TTC39C: variants seen among roughly 807,000 people sequenced by gnomAD.
TTC39C encodes tetratricopeptide repeat protein 39C.
In TTC39C, 33 loss-of-function variants were observed where a neutral mutation model predicts 76.3. The observed-to-expected ratio is 0.43, with a 90% CI of 0.33 to 0.58. TTC39C has a LOEUF of 0.58. TTC39C is among the 20% of genes least tolerant of loss of function. TTC39C has a pLI of 0.04. For missense variants in TTC39C, 595 were observed against 701.4 expected, an observed-to-expected ratio of 0.85 and a Z score of 1.71; for synonymous variants, 254 against 260.6, an observed-to-expected ratio of 0.97 and a Z score of 0.24.
At position 24,021,902 on chromosome 18, in the gene TTC39C, T is replaced by A. The variant is rs1189103666; in HGVS notation, c.167+6864T>A. On this transcript the variant is annotated intron_variant, in intron 1 of 13. Transcript: ENST00000317571. Reference sequence around the variant, plus strand: ...GTCTGTGTTCACAGAGTTTCTGCCATGAACAGGACAAAGGTGAGAGGCAGG... The same window carrying A: ...GTCTGTGTTCACAGAGTTTCTGCCAAGAACAGGACAAAGGTGAGAGGCAGG... Among the ~76,000 whole-genome samples, 5 of 152,334 alleles carry A rather than the reference T, an allele frequency of 3.3e-5. No individual in the cohort carries two copies. In the South Asian group the frequency reaches 1.0e-3, roughly 32 times the overall value.
chr18:24,098,508 C>T lies in TTC39C; in HGVS notation c.984+15427C>T, dbSNP rs1262550306. 7.0e-4 allele frequency among the ~76,000 whole-genome samples: 47 copies of T among 67,518 alleles called. 2 individuals carry two copies. In the South Asian group the frequency reaches 0.042, roughly 60 times the overall value. The allele number at this position is 67,518 out of a possible 152,430, so 44.3% of individuals were successfully genotyped here. On this transcript the variant is annotated intron_variant, in intron 6 of 13. Coordinates refer to ENST00000317571, the MANE Select transcript of TTC39C (RefSeq NM_001135993.2). The stretch of plus-strand genomic sequence containing the variant: ...TCCCTCTCCTCTCCTATCCTCTCCT[C>T]TCCCCTCCCCTCCCGTCCCCTCCCC...
intron 4 of TTC39C, among the ~76,000 whole-genome samples, chr18:24,070,558 T>C (rs12457000): frequency 0.017 from 2,630 of 152,196 alleles, 60 homozygotes; most frequent in East Asian, 0.12. Context: ...ATTAAGAAAA[T>C]ATCTGGCCAG....
intron 6 of TTC39C, chr18:24,113,659 A>G: frequency 1.4e-6 from 1 of 702,382 alleles, no homozygotes; most frequent in Non-Finnish European, 2.6e-6. Flanking sequence ...AGATTTATTT[A>G]TTAATGGTAT....
At chr18:24,051,290 G>A (rs2083945820) in intron 1 of TTC39C, among the ~76,000 whole-genome samples, 1 of 152,198 alleles carries the variant, frequency 6.6e-6, no homozygotes, top group South Asian at 2.1e-4. Context: ...GCACCAGCCA[G>A]CGTATTACGA....
rs1448914260 is a variant in TTC39C, at chr18:24,132,987, T to C, written c.*413T>C. 6.5e-6 allele frequency: 1 copy of C among 155,018 alleles called. No individual in the cohort carries two copies. Among genetic ancestry groups the C allele is most frequent in the African/African-American group, 2.4e-5 (1 of 41,564 alleles). The allele number at this position is 155,018 out of a possible 1,614,324, so 9.6% of individuals were successfully genotyped here. On this transcript the variant is annotated 3_prime_UTR_variant, in exon 14 of 14. Transcript: ENST00000317571. Reference sequence around the variant, plus strand: ...TAACAATATCATGACATAGCATTTATATTTGTGTTTTGAAAAAATAAAAGT... The same window carrying C: ...TAACAATATCATGACATAGCATTTACATTTGTGTTTTGAAAAAATAAAAGT...
At chr18:24,059,076 A>G (rs1238083659) in intron 1 of TTC39C, among the ~76,000 whole-genome samples, 1 of 152,096 alleles carries the variant, frequency 6.6e-6, no homozygotes, top group African/African-American at 2.4e-5. Flanking sequence ...GCTTTTTCCA[A>G]TCTCTTATGA....
At chr18:24,063,213 G>A (rs914816165) in intron 1 of TTC39C, among the ~76,000 whole-genome samples, 1 of 152,044 alleles carries the variant, frequency 6.6e-6, no homozygotes, top group Non-Finnish European at 1.5e-5. Context: ...CTTTAAATTG[G>A]TATTGATTTG....
At chr18:24,014,580 G>T, upstream of TTC39C, 1 of 258,458 alleles carries the variant, frequency 3.9e-6, no homozygotes. Context: ...ATTCCGCTTC[G>T]GGGCCCGCGC....
chr18:24,070,837 A>AAAAAG (rs775212066), intron 4 of TTC39C, among the ~76,000 whole-genome samples: 12 of 152,040 alleles, frequency 7.9e-5, no homozygotes, highest in Admixed American at 1.3e-4. Flanking sequence ...AGTGAGACTT[A>AAAAAG]AAAAGAAAAG....
chr18:24,013,556 T>C (rs1174554525), upstream of TTC39C, among the ~76,000 whole-genome samples: 1 of 152,244 alleles, frequency 6.6e-6, no homozygotes, highest in African/African-American at 2.4e-5. Flanking sequence ...ACCTGAGGAT[T>C]GCTTTCATTT....
intron 1 of TTC39C, among the ~76,000 whole-genome samples, chr18:23,999,491 T>C (rs879645988): frequency 4.6e-5 from 7 of 152,112 alleles, no homozygotes; most frequent in Non-Finnish European, 7.4e-5. Context: ...GATTCAACTC[T>C]CCCCCATTTT....
intron 10 of TTC39C, among the ~76,000 whole-genome samples, chr18:24,126,706 G>A (rs1427222989): frequency 6.6e-6 from 1 of 151,034 alleles, no homozygotes; most frequent in African/African-American, 2.4e-5. Context: ...TGGGTGCACT[G>A]ATGTGTTCAT....
intron 1 of TTC39C, among the ~76,000 whole-genome samples, chr18:24,018,677 G>C (rs2083484321): frequency 6.6e-6 from 1 of 152,012 alleles, no homozygotes. Context: ...GGGTAGAAGA[G>C]AATCAGTTGA....
intron 1 of TTC39C, among the ~76,000 whole-genome samples, chr18:23,999,862 T>C (rs1255001425): frequency 6.6e-6 from 1 of 152,260 alleles, no homozygotes; most frequent in African/African-American, 2.4e-5. Context: ...GATTCTAATG[T>C]TGTATCGGAG....
At chr18:24,027,000 T>C (rs1351733912) in intron 1 of TTC39C, among the ~76,000 whole-genome samples, 1 of 152,146 alleles carries the variant, frequency 6.6e-6, no homozygotes, top group Non-Finnish European at 1.5e-5. Flanking sequence ...GGAGAAACAA[T>C]TAAGAAATCG....
intron 1 of TTC39C, among the ~76,000 whole-genome samples, chr18:23,999,445 A>G (rs1244096389): frequency 2.0e-5 from 3 of 152,200 alleles, no homozygotes; most frequent in African/African-American, 7.2e-5. Flanking sequence ...AGAGGAGCTT[A>G]TCTCCTGACT....
At chr18:24,128,409 A>G (rs951839240) in intron 10 of TTC39C, among the ~76,000 whole-genome samples, 1 of 149,000 alleles carries the variant, frequency 6.7e-6, no homozygotes, top group African/African-American at 2.4e-5. Context: ...TTCTATCTAT[A>G]TATAATATTA....
intron 1 of TTC39C, among the ~76,000 whole-genome samples, chr18:24,048,118 G>A (rs556894464): frequency 2.5e-4 from 38 of 152,234 alleles, no homozygotes; most frequent in South Asian, 6.2e-4. Context: ...CCTGTTATAC[G>A]TAGGTTTTAT....
At position 24,132,834 on chromosome 18, in the gene TTC39C, G is replaced by A. The variant is rs1052177413; in HGVS notation, c.*260G>A. On this transcript the variant is annotated 3_prime_UTR_variant, in exon 14 of 14. Coordinates refer to ENST00000317571, the MANE Select transcript of TTC39C (RefSeq NM_001135993.2). ...GAGGGTTAAGTGACCTTGCTCAAAC[G>A]TTTTAGTTTTGTGATTTATTATTTT... 4 of 332,624 alleles carry A rather than the reference G, an allele frequency of 1.2e-5. No individual in the cohort carries two copies. The highest frequency in any genetic ancestry group is 1.0e-4 in the East Asian group (2 of 19,928). 20.6% of individuals were successfully genotyped at this position (332,624 alleles called of 1,614,324 possible).
Sources: allele counts gnomAD v4.1 joint callset (sites outside exome capture counted in the v4.1 genomes callset), GRCh38; gene constraint gnomAD v4.1.1; transcripts MANE v1.5; gene names NCBI Gene and HGNC (gene_info 2026-07-23, HGNC 2026-07-21).